The following DOCK2 variants were observed in gnomAD, a reference collection of about 807,000 sequenced individuals.
The protein encoded by DOCK2 is dedicator of cytokinesis protein 2.
Under a neutral mutation model 248.9 loss-of-function variants are expected in DOCK2, and 87 were observed. The ratio of observed to expected loss-of-function variants is 0.35; its 90% confidence interval spans 0.29 to 0.42. DOCK2 has a LOEUF of 0.42. Ranked by LOEUF, DOCK2 falls within the 10% of genes least tolerant of loss-of-function variation. The pLI is 1.00. For missense variants in DOCK2, 1,747 were observed against 2,300.2 expected (o/e 0.76, Z 4.92); for synonymous variants, 805 against 821.6 (o/e 0.98, Z 0.35).
At chr5:170,023,895 G>A (rs545992711) in intron 33 of DOCK2, among the ~76,000 whole-genome samples, 2 of 152,274 alleles carry the variant, frequency 1.3e-5, no homozygotes, top group South Asian at 2.1e-4. Flanking sequence ...CTTCTACAGG[G>A]CTGGACTCCA....
chr5:169,753,302 A>G (rs764612027), intron 23 of DOCK2, among the ~76,000 whole-genome samples: 3 of 152,076 alleles, frequency 2.0e-5, no homozygotes, highest in Non-Finnish European at 2.9e-5. Context: ...CCTGTCATCT[A>G]GGTTTTAAGC....
At chr5:169,798,637 CTAAG>C (rs1171035955) in intron 25 of DOCK2, among the ~76,000 whole-genome samples, 1 of 152,202 alleles carries the variant, frequency 6.6e-6, no homozygotes, top group Non-Finnish European at 1.5e-5. Flanking sequence ...TGTAAAGGTA[CTAAG>C]TGTTTTTCCT....
intron 22 of DOCK2, among the ~76,000 whole-genome samples, chr5:169,741,607 G>A (rs1265027466): frequency 1.3e-5 from 2 of 152,108 alleles, no homozygotes; most frequent in Non-Finnish European, 2.9e-5. Context: ...TATTGGCTCA[G>A]GGGAAGGAAC....
At chr5:170,027,635 G>GCT (rs150089579) in intron 33 of DOCK2, among the ~76,000 whole-genome samples, 150 of 150,154 alleles carry the variant, frequency 1.0e-3, no homozygotes, top group Middle Eastern at 3.5e-3. Flanking sequence ...TCTCGCACGT[G>GCT]CTCTCTCTCT....
At chr5:170,009,410 C>T (rs1206766712) in intron 32 of DOCK2, among the ~76,000 whole-genome samples, 1 of 152,156 alleles carries the variant, frequency 6.6e-6, no homozygotes, top group Non-Finnish European at 1.5e-5. Context: ...AAGTAACTTG[C>T]TTGAAATCAA....
intron 29 of DOCK2, among the ~76,000 whole-genome samples, chr5:169,994,423 C>A (rs1396421466): frequency 6.6e-6 from 1 of 152,140 alleles, no homozygotes; most frequent in African/African-American, 2.4e-5. Context: ...GTGCAGCAGA[C>A]CCTGCCCTGC....
intron 27 of DOCK2, among the ~76,000 whole-genome samples, chr5:169,954,785 T>C (rs566349470): frequency 1.3e-5 from 2 of 152,286 alleles, no homozygotes; most frequent in East Asian, 3.9e-4. Flanking sequence ...AGTGACCTCA[T>C]GAGAGGTCAA....
At position 169,749,187 on chromosome 5, in the gene DOCK2, G is replaced by A. The variant is rs755007947; in HGVS notation, c.2376+1683G>A. Among the ~76,000 whole-genome samples, 6 of 152,350 alleles carry A rather than the reference G, an allele frequency of 3.9e-5. No homozygotes were observed. The East Asian group carries it at 9.6e-4, about 24-fold the overall frequency. On this transcript the variant is annotated intron_variant, in intron 23 of 51. Coordinates refer to ENST00000520908, the MANE Select transcript of DOCK2 (RefSeq NM_004946.3). Reference sequence around the variant, plus strand: ...CAACAGCCATACACATAGGTGGAAAGCATCATTGGTTTTATGAAAATCCCT... The same window carrying A: ...CAACAGCCATACACATAGGTGGAAAACATCATTGGTTTTATGAAAATCCCT...
Position 169,695,870 on chromosome 5 carries a change from A to G in DOCK2, c.911A>G (p.Lys304Arg). The change falls in exon 10 of 52, where the codon AAG (lysine) becomes AGG (arginine). Residue 304 changes from lysine (K) to arginine (R), a missense_variant. By Grantham distance (26) the Lys-to-Arg change is conservative. This residue lies in a region of DOCK2 where 375 missense variants were observed against 510.9 expected (regional missense o/e 0.73). Transcript: ENST00000520908. The part of the protein sequence containing the change: ...YLICQIVRVG[K>R]MDLKDTGAKK... ...ATTTGTCAAATAGTCCGGGTCGGCA[A>G]GATGGATCTTAAGGATACTGGTGCA... is the stretch of plus-strand genomic sequence containing the variant. 1 of 1,614,052 alleles carries G rather than the reference A, an allele frequency of 6.2e-7. No individual in the cohort carries two copies. The highest frequency in any genetic ancestry group is 8.5e-7 in the Non-Finnish European group (1 of 1,179,972).
At position 169,808,619 on chromosome 5, in the gene DOCK2, A is replaced by G. The variant is rs1302903172; in HGVS notation, c.2703+5413A>G. ...CCTCACTGAGCAAGTTTAGTTGTCA[A>G]CTCCAGTTACTTTGAAGGGCGGTTT... is the stretch of plus-strand genomic sequence containing the variant. On this transcript the variant is annotated intron_variant, in intron 26 of 51. Coordinates refer to ENST00000520908, the MANE Select transcript of DOCK2 (RefSeq NM_004946.3). Among the ~76,000 whole-genome samples the G allele has an allele frequency of 2.0e-5, 3 of 151,716 alleles. No individual in the cohort carries two copies. The East Asian group carries it at 5.8e-4, about 29-fold the overall frequency.
intron 26 of DOCK2, among the ~76,000 whole-genome samples, chr5:169,835,818 G>C (rs1395036678): frequency 6.6e-6 from 1 of 151,484 alleles, no homozygotes; most frequent in Non-Finnish European, 1.5e-5. Context: ...CTGGAGTGCA[G>C]TGGTATAATC....
chr5:170,009,036 A>T (rs1162591417), intron 32 of DOCK2, among the ~76,000 whole-genome samples: 2 of 152,004 alleles, frequency 1.3e-5, no homozygotes, highest in Admixed American at 6.6e-5. Context: ...CAGGACTGTC[A>T]TGGGAACTCA....
chr5:170,029,655 C>T (rs905768593), intron 34 of DOCK2, among the ~76,000 whole-genome samples: 3 of 152,200 alleles, frequency 2.0e-5, no homozygotes, highest in Non-Finnish European at 4.4e-5. Flanking sequence ...CCTTCTCCCG[C>T]GAGGCCTTCT....
chr5:169,957,524 G>A (rs1427270188), intron 27 of DOCK2, among the ~76,000 whole-genome samples: 1 of 152,184 alleles, frequency 6.6e-6, no homozygotes, highest in Non-Finnish European at 1.5e-5. Flanking sequence ...AGGCTCAGAG[G>A]TGTCAGGTGA....
At chr5:169,899,975 C>T (rs1395306539) in intron 27 of DOCK2, among the ~76,000 whole-genome samples, 2 of 152,196 alleles carry the variant, frequency 1.3e-5, no homozygotes, top group Non-Finnish European at 2.9e-5. Context: ...GAGAGTCTCA[C>T]AAACTGTCCA....
intron 26 of DOCK2, among the ~76,000 whole-genome samples, chr5:169,830,710 A>G (rs1769168272): frequency 6.6e-6 from 1 of 152,226 alleles, no homozygotes; most frequent in African/African-American, 2.4e-5. Context: ...ACAGATCTAA[A>G]TAAAAACAAT....
chr5:170,082,983 A>G lies in DOCK2; in HGVS notation c.*125A>G. On this transcript the variant is annotated 3_prime_UTR_variant, in exon 52 of 52. Coordinates refer to ENST00000520908, the MANE Select transcript of DOCK2 (RefSeq NM_004946.3). ...GTCCCCATCAGTTGTCCTTACTTAG[A>G]GGAGACAGAGAGGCCAATCAGGTCC... 7.8e-7 allele frequency: 1 copy of G among 1,281,006 alleles called. No homozygotes were observed. Among genetic ancestry groups the G allele is most frequent in the Non-Finnish European group, 1.1e-6 (1 of 911,038 alleles). 79.4% of individuals were successfully genotyped at this position (1,281,006 alleles called of 1,614,324 possible).
chr5:170,019,975 A>G lies in DOCK2; in HGVS notation c.3381+867A>G, dbSNP rs751580088. Reference sequence around the variant, plus strand: ...TATTCCTACCATATCCTGCCTTAAAATGGGTACTTAAAAGGCAGCAGATTC... The same window carrying G: ...TATTCCTACCATATCCTGCCTTAAAGTGGGTACTTAAAAGGCAGCAGATTC... On this transcript the variant is annotated intron_variant, in intron 33 of 51. Transcript: ENST00000520908. Among the ~76,000 whole-genome samples, 7 of 152,114 alleles carry G rather than the reference A, an allele frequency of 4.6e-5. No homozygotes were observed. In the East Asian group the frequency reaches 1.3e-3, roughly 29 times the overall value.
At chr5:169,845,636 T>G (rs1314874965) in intron 27 of DOCK2, among the ~76,000 whole-genome samples, 1 of 152,258 alleles carries the variant, frequency 6.6e-6, no homozygotes, top group African/African-American at 2.4e-5. Flanking sequence ...GTTTTCTAAA[T>G]GTGGGAATCC....
Sources: gnomAD v4.1 joint callset for allele counts (sites outside exome capture counted in the v4.1 genomes callset) on GRCh38, gnomAD v4.1.1 for gene constraint, gnomAD v4.1.1 regional missense constraint, MANE v1.5 for transcripts, NCBI Gene and HGNC (gene_info 2026-07-23, HGNC 2026-07-21) for gene names.